The following NCL variants were observed in gnomAD, a reference collection of about 807,000 sequenced individuals.
NCL encodes the protein nucleolin multifunctional protein.
Under a neutral mutation model 77.7 loss-of-function variants are expected in NCL, and 4 were observed. That is an observed-to-expected ratio of 0.05 (90% CI 0.03 to 0.12). NCL has a LOEUF of 0.12. Among genes scored for constraint, NCL ranks in the 10% least tolerant of loss-of-function variants. NCL has a pLI of 1.00. For synonymous variants in NCL, 344 were observed against 297.8 expected (o/e 1.16, Z -1.60); for missense variants, 763 against 860.9 (o/e 0.89, Z 1.42).
Position 231,457,716 on chromosome 2 carries a change from A to G in NCL, c.1374T>C (p.Ser458=). The G allele has an allele frequency of 6.2e-7, 1 of 1,612,930 alleles. No individual in the cohort carries two copies. Among genetic ancestry groups the G allele is most frequent in the Non-Finnish European group, 8.5e-7 (1 of 1,179,096 alleles). Residue 458 remains serine (S), a synonymous_variant, in exon 9 of 14, where the codon TCT becomes TCC. Transcript: ENST00000322723. The part of the protein sequence containing the change: ...EKQGTEIDGR[S]ISLYYTGEKG... ...TCTCTCCAGTATAGTACAGGGAAAT[A>G]GATCGCCCATCGATCTCTGTTCCCT...
chr2:231,455,282 C>G lies in NCL; in HGVS notation c.2057-15G>C. 5 of 1,614,090 alleles carry G rather than the reference C, an allele frequency of 3.1e-6. No individual in the cohort carries two copies. The highest frequency in any genetic ancestry group is 4.2e-6 in the Non-Finnish European group (5 of 1,179,990). ...GCCTCCTCGCCCTACAGGAGGAAGG[C>G]AAGACACTGTTAAAAGAATGGGTAC... is the stretch of plus-strand genomic sequence containing the variant. On this transcript the variant is annotated splice_polypyrimidine_tract_variant and intron_variant, in intron 13 of 13. Coordinates refer to ENST00000322723, the MANE Select transcript of NCL (RefSeq NM_005381.3).
intron 2 of NCL, chr2:231,462,455 G>A (rs1336989473): frequency 2.2e-6 from 1 of 445,356 alleles, no homozygotes; most frequent in African/African-American, 2.0e-5. Flanking sequence ...ACCAAGCCCA[G>A]TGAAGCTCAA....
chr2:231,456,110 C>T lies in NCL; in HGVS notation c.1732G>A (p.Gly578Ser). The T allele has an allele frequency of 6.2e-7, 1 of 1,613,554 alleles. No individual in the cohort carries two copies. The highest frequency in any genetic ancestry group is 8.5e-7 in the Non-Finnish European group (1 of 1,179,970). Residue 578 changes from glycine to serine, a missense_variant, in exon 12 of 14, where the codon GGC (glycine) becomes AGC (serine). Transcript: ENST00000322723. ...TCTTCAGTGGTATCCTCAGACAGGC[C>T]TTTGACAAACAGAGTTTTGGATGGC... ...SQPSKTLFVK[G>S]LSEDTTEETL...
At position 231,461,834 on chromosome 2, in the gene NCL, G is replaced by C. The variant is rs1364672190; in HGVS notation, c.319C>G (p.Pro107Ala). 7.4e-6 allele frequency: 12 copies of C among 1,613,420 alleles called. No homozygotes were observed. The highest frequency in any genetic ancestry group is 1.0e-5 in the Non-Finnish European group (12 of 1,179,992). The change falls in exon 3 of 14, where the codon CCT (proline) becomes GCT (alanine). Residue 107 changes from proline to alanine, a missense_variant. Pro to Ala is a conservative substitution (Grantham distance 27). Around this residue, in one of 2 missense-constraint regions of NCL, gnomAD observed 590 missense variants for 570.5 expected, o/e 1.03. Transcript: ENST00000322723. ...CCTGGTGTGGCTCCCTTCTTGCCAGGTGTGGTAACTGCTTTGGCTGGTGTA... is the reference window on the plus strand; with the variant it reads ...CCTGGTGTGGCTCCCTTCTTGCCAGCTGTGGTAACTGCTTTGGCTGGTGTA... ...TVTPAKAVTT[P>A]GKKGATPGKA...
In NCL at chr2:231,464,395, T is replaced by C; in HGVS notation, c.-42A>G. 6.3e-7 allele frequency: 1 copy of C among 1,593,528 alleles called. No homozygotes were observed. Among genetic ancestry groups the C allele is most frequent in the Non-Finnish European group, 8.6e-7 (1 of 1,169,264 alleles). On this transcript the variant is annotated 5_prime_UTR_variant, in exon 1 of 14. Transcript: ENST00000322723. ...GAAGCGGACAAGTGGCGCAGATGAG[T>C]CCAGAAGAAGCCAAGCGACGGCGAT...
Position 231,454,882 on chromosome 2 carries a change from A to G in NCL, c.*309T>C. 4.1e-6 allele frequency: 1 copy of G among 243,520 alleles called. No homozygotes were observed. Among genetic ancestry groups the G allele is most frequent in the Non-Finnish European group, 7.9e-6 (1 of 127,186 alleles). 15.1% of individuals were successfully genotyped at this position (243,520 alleles called of 1,614,324 possible). On this transcript the variant is annotated 3_prime_UTR_variant, in exon 14 of 14. Coordinates refer to ENST00000322723, the MANE Select transcript of NCL (RefSeq NM_005381.3). ...AAAACAAAAACAAAACAAAAAAAAG[A>G]AACAACAACAAAACCCAAACTATTT...
Position 231,461,422 on chromosome 2 carries a change from G to A in NCL, c.613+118C>T, listed in dbSNP as rs1289242862. ...GTCTAGCACACCACAACAACCCAGA[G>A]AATTCCCACAAGGATTCTAATCTCA... On this transcript the variant is annotated intron_variant, in intron 3 of 13. Transcript: ENST00000322723. The A allele has an allele frequency of 2.0e-6, 3 of 1,485,748 alleles. No individual in the cohort carries two copies. The East Asian group carries it at 6.8e-5, about 34-fold the overall frequency. 92.0% of individuals were successfully genotyped at this position (1,485,748 alleles called of 1,614,324 possible).
intron 12 of NCL, 72 bp downstream of exon 12, chr2:231,455,938 C>A (rs1302501156): frequency 1.9e-6 from 3 of 1,609,472 alleles, no homozygotes; most frequent in Non-Finnish European, 2.6e-6. Flanking sequence ...TGAGAAGACA[C>A]ATTAGACTCA....
chr2:231,456,479 T>G, intron 11 of NCL, 152 bp downstream of exon 11: 21 of 1,327,332 alleles, frequency 1.6e-5, no homozygotes, highest in Non-Finnish European at 1.8e-5. Flanking sequence ...GGAATTTTCT[T>G]GAGATTTCAT....
Position 231,456,695 on chromosome 2 carries a change from T to C in NCL, c.1641A>G (p.Glu547=), listed in dbSNP as rs555151937. 5.6e-6 allele frequency: 9 copies of C among 1,614,150 alleles called. No homozygotes were observed. In the African/African-American group the frequency reaches 1.1e-4, roughly 19 times the overall value. ...KEALNSCNKR[E]IEGRAIRLEL... The stretch of plus-strand genomic sequence containing the variant: ...CCAGCCTGATTGCTCTGCCCTCAAT[T>C]TCCCTTTTATTACAGGAATTTAAAG... The change falls in exon 11 of 14, where the codon GAA becomes GAG. Residue 547 remains glutamate (E), a synonymous_variant. Coordinates refer to ENST00000322723, the MANE Select transcript of NCL (RefSeq NM_005381.3).
chr2:231,456,056 C>G lies in NCL; in HGVS notation c.1786G>C (p.Val596Leu). 6.2e-7 allele frequency: 1 copy of G among 1,614,166 alleles called. No individual in the cohort carries two copies. Among genetic ancestry groups the G allele is most frequent in the Non-Finnish European group, 8.5e-7 (1 of 1,180,042 alleles). ...ETLKESFDGS[V>L]RARIVTDRET... Reference sequence around the variant, plus strand: ...CGGTCAGTAACTATCCTTGCCCGAACGGAGCCGTCAAATGACTCCTTTAAT... The same window carrying G: ...CGGTCAGTAACTATCCTTGCCCGAAGGGAGCCGTCAAATGACTCCTTTAAT... The change falls in exon 12 of 14, where the codon GTT becomes CTT. Residue 596 changes from valine (V) to leucine (L), a missense_variant. Coordinates refer to ENST00000322723, the MANE Select transcript of NCL (RefSeq NM_005381.3).
At position 231,461,426 on chromosome 2, in the gene NCL, T is replaced by G. The variant is rs940999134; in HGVS notation, c.613+114A>C. ...AGCACACCACAACAACCCAGAGAAT[T>G]CCCACAAGGATTCTAATCTCATCTC... On this transcript the variant is annotated intron_variant, in intron 3 of 13. Coordinates refer to ENST00000322723, the MANE Select transcript of NCL (RefSeq NM_005381.3). The G allele has an allele frequency of 4.0e-6, 6 of 1,487,376 alleles. No homozygotes were observed. The Admixed American group carries it at 1.0e-4, about 26-fold the overall frequency. The allele number at this position is 1,487,376 out of a possible 1,614,324, so 92.1% of individuals were successfully genotyped here. A position where few individuals can be genotyped will look rare whatever the true frequency, so the allele number is the denominator to read the frequency against.
rs577022649 is a variant in NCL, at chr2:231,459,925, A to C, written c.1040+227T>G. On this transcript the variant is annotated intron_variant, in intron 6 of 13. Transcript: ENST00000322723. ...GTCTCAATACATAACAAAAACAACA[A>C]AAAAACTTACTAAAAATTATTCTGT... 4.6e-5 allele frequency among the ~76,000 whole-genome samples: 7 copies of C among 151,748 alleles called. No homozygotes were observed. The East Asian group carries it at 1.5e-3, about 32-fold the overall frequency.
intron 2 of NCL, chr2:231,462,673 G>A: frequency 7.0e-6 from 3 of 428,560 alleles, no homozygotes; most frequent in Admixed American, 2.8e-5. Flanking sequence ...GTGCTCAGCT[G>A]TCTTTATAGT....
At position 231,460,191 on chromosome 2, in the gene NCL, T is replaced by C. The variant is rs1444316462; in HGVS notation, c.1001A>G (p.Asn334Ser). The change falls in exon 6 of 14, where the codon AAT (asparagine) becomes AGT (serine). Residue 334 changes from asparagine to serine, a missense_variant. By Grantham distance (46) the Asn-to-Ser change is conservative (BLOSUM62 1). Around this residue, in one of 2 missense-constraint regions of NCL, gnomAD observed 590 missense variants for 570.5 expected, o/e 1.03. Coordinates refer to ENST00000322723, the MANE Select transcript of NCL (RefSeq NM_005381.3). ...TCTGACATCCACAACAGCAAGATCA[T>C]TTTTAGCAAAAACATCGCTGATACC... is the stretch of plus-strand genomic sequence containing the variant. ...KTGISDVFAK[N>S]DLAVVDVRIG... The C allele has an allele frequency of 1.2e-6, 2 of 1,613,914 alleles. No homozygotes were observed. The highest frequency in any genetic ancestry group is 1.7e-6 in the Non-Finnish European group (2 of 1,180,020).
At chr2:231,462,935 T>C (rs560758384) in intron 2 of NCL, 2 of 409,650 alleles carry the variant, frequency 4.9e-6, no homozygotes, top group Admixed American at 4.3e-5. Context: ...ACTGGAAAAA[T>C]GTAATGATTT....
At chr2:231,462,803 A>G (rs1418379810) in intron 2 of NCL, among the ~76,000 whole-genome samples, 1 of 152,258 alleles carries the variant, frequency 6.6e-6, no homozygotes, top group Non-Finnish European at 1.5e-5. Context: ...CAAAGTTTAT[A>G]TATAATGGAA....
At chr2:231,463,535 C>G in intron 1 of NCL, 1 of 538,474 alleles carries the variant, frequency 1.9e-6, no homozygotes, top group South Asian at 2.3e-5. Flanking sequence ...AACAGAAAAC[C>G]TGCCCTAAGG....
At position 231,456,159 on chromosome 2, in the gene NCL, A is replaced by G. The variant is rs368724845; in HGVS notation, c.1706-23T>C. 377 of 1,613,132 alleles carry G rather than the reference A, an allele frequency of 2.3e-4. 7 individuals carry two copies. In the South Asian group the frequency reaches 4.0e-3, roughly 17 times the overall value. On this transcript the variant is annotated intron_variant, in intron 11 of 13. Coordinates refer to ENST00000322723, the MANE Select transcript of NCL (RefSeq NM_005381.3). Reference sequence around the variant, plus strand: ...GCTCTGGGAAGGAAAAAAAAATGTGACTTTATGTGAAGTCACAGTTCGTAA... The same window carrying G: ...GCTCTGGGAAGGAAAAAAAAATGTGGCTTTATGTGAAGTCACAGTTCGTAA...
Sources: gnomAD v4.1 joint callset for allele counts (sites outside exome capture counted in the v4.1 genomes callset) on GRCh38, gnomAD v4.1.1 for gene constraint, gnomAD v4.1.1 regional missense constraint, MANE v1.5 for transcripts, NCBI Gene and HGNC (gene_info 2026-07-23, HGNC 2026-07-21) for gene names.